The following COL22A1 variants were observed in gnomAD, a reference collection of about 807,000 sequenced individuals.
COL22A1 encodes collagen type XXII alpha 1 chain, also known as collagen alpha-1(XXII) chain.
Under a neutral mutation model 248.9 loss-of-function variants are expected in COL22A1, and 221 were observed. The observed-to-expected ratio is 0.89, with a 90% confidence interval of 0.80 to 0.99. The LOEUF is 0.99. Among genes scored for constraint, COL22A1 ranks in the 50% least tolerant of loss-of-function variants. The pLI is 0.00. For missense variants in COL22A1, 2,240 were observed against 2,179.0 expected, an observed-to-expected ratio of 1.03 and a Z score of -0.56; for synonymous variants, 891 against 793.4, an observed-to-expected ratio of 1.12 and a Z score of -2.07.
At chr8:138,813,963 A>G (rs769233749) in intron 7 of COL22A1, among the ~76,000 whole-genome samples, 17 of 152,246 alleles carry the variant, frequency 1.1e-4, no homozygotes, top group Non-Finnish European at 2.4e-4. Context: ...CTCCTTTAAT[A>G]TGACAGCCCC....
At chr8:138,610,830 G>A (rs1160454945) in intron 56 of COL22A1, among the ~76,000 whole-genome samples, 3 of 152,230 alleles carry the variant, frequency 2.0e-5, no homozygotes, top group Non-Finnish European at 4.4e-5. Context: ...TTGGGAGGCT[G>A]AGATGGGAGG....
rs1822270661 is a variant in COL22A1 at position 138,859,282 on chromosome 8, G to A, written c.659-15124C>T. Reference sequence around the variant, plus strand: ...CAGGCCACAGGAACAGGAGCATGGAGCCCCCAGGAAAGGGCAAGGAGCTGG... The same window carrying A: ...CAGGCCACAGGAACAGGAGCATGGAACCCCCAGGAAAGGGCAAGGAGCTGG... On this transcript the variant is annotated intron_variant, in intron 3 of 64. Transcript: ENST00000303045. Among the ~76,000 whole-genome samples, 3 of 152,202 alleles carry A rather than the reference G, an allele frequency of 2.0e-5. No homozygotes were observed. The South Asian group carries it at 6.2e-4, about 31-fold the overall frequency.
intron 41 of COL22A1, among the ~76,000 whole-genome samples, chr8:138,665,924 C>A (rs796075780): frequency 3.5e-4 from 53 of 151,966 alleles, no homozygotes; most frequent in African/African-American, 1.3e-3. Flanking sequence ...AATGTAATAA[C>A]CAGGTTAATT....
rs760546028 is a variant in COL22A1, at chr8:138,794,032, C to T, written c.1596+2787G>A. 3.2e-4 allele frequency among the ~76,000 whole-genome samples: 48 copies of T among 152,138 alleles called. 1 individual carries two copies. The highest frequency in any genetic ancestry group is 2.2e-4 in the Non-Finnish European group (15 of 68,034). ...CCTGATTTGGAGGAATCCCCGGGTGCCTTCTTCATACCCTGTGCTCGGCCT... is the reference window on the plus strand; with the variant it reads ...CCTGATTTGGAGGAATCCCCGGGTGTCTTCTTCATACCCTGTGCTCGGCCT... On this transcript the variant is annotated intron_variant, in intron 12 of 64. Transcript: ENST00000303045.
At position 138,716,299 on chromosome 8, in the gene COL22A1, C is replaced by A. The variant is rs1563658453; in HGVS notation, c.2401-10G>T. The A allele has an allele frequency of 2.5e-6, 4 of 1,576,252 alleles. No homozygotes were observed. The highest frequency in any genetic ancestry group is 3.5e-6 in the Non-Finnish European group (4 of 1,158,476). ...GGAGGCCTGCTTCTCCCTGTGAGAACAAAATATTCACAAGGCGTCAACAGG... is the reference window on the plus strand; with the variant it reads ...GGAGGCCTGCTTCTCCCTGTGAGAAAAAAATATTCACAAGGCGTCAACAGG... On this transcript the variant is annotated splice_polypyrimidine_tract_variant and intron_variant, in intron 28 of 64. Transcript: ENST00000303045.
chr8:138,698,584 G>A (rs117608899), intron 32 of COL22A1, among the ~76,000 whole-genome samples: 3,289 of 152,190 alleles, frequency 0.022, 79 homozygotes, highest in East Asian at 0.11. Context: ...TGCAGTGAGC[G>A]ACAGCCCTAC....
chr8:138,616,795 G>A, intron 54 of COL22A1, 119 bp downstream of exon 54: 2 of 1,128,738 alleles, frequency 1.8e-6, no homozygotes, highest in Non-Finnish European at 2.7e-6. Flanking sequence ...ATGCTGGTGT[G>A]CTCCACGTCC....
intron 3 of COL22A1, among the ~76,000 whole-genome samples, chr8:138,861,851 T>C (rs199775691): frequency 1.3e-5 from 2 of 152,144 alleles, no homozygotes; most frequent in East Asian, 3.9e-4. Context: ...GCCGTACAGT[T>C]AAGATGTGTT....
chr8:138,867,119 T>C (rs1208277009), intron 3 of COL22A1, among the ~76,000 whole-genome samples: 3 of 152,212 alleles, frequency 2.0e-5, no homozygotes, highest in East Asian at 1.9e-4. Flanking sequence ...TCTTAAAGAC[T>C]CAACCTGCTA....
At chr8:138,705,191 A>C (rs1450929363) in intron 30 of COL22A1, among the ~76,000 whole-genome samples, 79 of 152,218 alleles carry the variant, frequency 5.2e-4, no homozygotes, top group Non-Finnish European at 1.3e-4. Context: ...GAATGGAACC[A>C]AGTTGGAAAA....
chr8:138,837,743 C>T (rs1452780188), intron 4 of COL22A1, among the ~76,000 whole-genome samples: 1 of 152,128 alleles, frequency 6.6e-6, no homozygotes, highest in Non-Finnish European at 1.5e-5. Context: ...CCTGGAGGGC[C>T]CTGCGGTTCC....
intron 3 of COL22A1, among the ~76,000 whole-genome samples, chr8:138,859,239 C>G (rs1166574661): frequency 6.6e-6 from 1 of 152,234 alleles, no homozygotes; most frequent in Non-Finnish European, 1.5e-5. Context: ...ACCCCAAAAT[C>G]AGTGCCGGTG....
At chr8:138,621,981 T>G (rs1192514382) in intron 52 of COL22A1, among the ~76,000 whole-genome samples, 3 of 152,230 alleles carry the variant, frequency 2.0e-5, no homozygotes. Context: ...CTCTCAGCAA[T>G]GAATTTTGGT....
chr8:138,591,427 G>C lies in COL22A1; in HGVS notation c.4690C>G (p.Pro1564Ala). 1 of 1,579,140 alleles carries C rather than the reference G, an allele frequency of 6.3e-7. No individual in the cohort carries two copies. ...LRGEMGPPGI[P>A]GQPGEPGYAK... ...GAGACTGCAGAATGAGTCATACCTG[G>C]GATTCCAGGGGGTCCCATCTCGCCT... Residue 1564 changes from proline (P) to alanine (A), a missense_variant, in exon 64 of 65, where the codon CCA (proline) becomes GCA (alanine). Pro to Ala is a conservative substitution (Grantham distance 27). Coordinates refer to ENST00000303045, the MANE Select transcript of COL22A1 (RefSeq NM_152888.3).
intron 4 of COL22A1, 37 bp downstream of exon 4, chr8:138,844,047 C>T (rs1821061716): frequency 1.3e-6 from 2 of 1,588,710 alleles, no homozygotes; most frequent in African/African-American, 1.3e-5. Flanking sequence ...AAATCATACA[C>T]CAAAGCAAGC....
intron 47 of COL22A1, among the ~76,000 whole-genome samples, chr8:138,637,889 C>T (rs12546456): frequency 3.1e-3 from 475 of 152,226 alleles, no homozygotes; most frequent in African/African-American, 0.01. Context: ...ACCATAATCA[C>T]TATCATAATC....
intron 9 of COL22A1, among the ~76,000 whole-genome samples, chr8:138,809,854 C>A (rs1818058286): frequency 6.6e-6 from 1 of 152,042 alleles, no homozygotes; most frequent in Admixed American, 6.6e-5. Flanking sequence ...GTCTTCATAC[C>A]CTGATTGACT....
intron 18 of COL22A1, among the ~76,000 whole-genome samples, chr8:138,759,530 C>G (rs1833276366): frequency 6.6e-6 from 1 of 152,188 alleles, no homozygotes; most frequent in Non-Finnish European, 1.5e-5. Flanking sequence ...GTCTCGTCAC[C>G]CCTCCTATGC....
At chr8:138,839,409 C>A (rs1418526623) in intron 4 of COL22A1, among the ~76,000 whole-genome samples, 1 of 152,132 alleles carries the variant, frequency 6.6e-6, no homozygotes, top group African/African-American at 2.4e-5. Context: ...AATGAGGAGC[C>A]ACAGAGGGCT....
Sources: gnomAD v4.1 joint callset for allele counts (sites outside exome capture counted in the v4.1 genomes callset) on GRCh38, gnomAD v4.1.1 for gene constraint, MANE v1.5 for transcripts, NCBI Gene and HGNC (gene_info 2026-07-23, HGNC 2026-07-21) for gene names.